XKR4: variants seen among roughly 807,000 people sequenced by gnomAD.
The protein encoded by XKR4 is XK related 4.
XKR4 carries 12 observed loss-of-function variants against 53.9 expected under a neutral mutation model. The ratio of observed to expected loss-of-function variants is 0.22; its 90% CI spans 0.14 to 0.36. The LOEUF (loss-of-function observed/expected upper bound fraction) is 0.36, where lower values mean the gene tolerates loss of function less well. XKR4 is among the 10% of genes least tolerant of loss of function. XKR4 has a pLI of 1.00. For synonymous variants in XKR4, 354 were observed against 362.4 expected, an observed-to-expected ratio of 0.98 and a Z score of 0.26; for missense variants, 799 against 859.5, an observed-to-expected ratio of 0.93 and a Z score of 0.88.
At chr8:55,277,152 C>G in intron 1 of XKR4, among the ~76,000 whole-genome samples, 1 of 152,158 alleles carries the variant, frequency 6.6e-6, no homozygotes, top group East Asian at 1.9e-4. Flanking sequence ...ACTGTAGGCT[C>G]CCACTGAGGT....
chr8:55,150,469 G>A (rs1487902851), intron 1 of XKR4, among the ~76,000 whole-genome samples: 1 of 152,168 alleles, frequency 6.6e-6, no homozygotes, highest in Non-Finnish European at 1.5e-5. Context: ...AACGATTATA[G>A]TATGGTTCTT....
chr8:55,405,372 G>C (rs1804666948), intron 2 of XKR4, among the ~76,000 whole-genome samples: 1 of 152,178 alleles, frequency 6.6e-6, no homozygotes, highest in African/African-American at 2.4e-5. Context: ...TTATAGTGAT[G>C]TTGGCAACTG....
chr8:55,268,389 G>A (rs1461503460), intron 1 of XKR4, among the ~76,000 whole-genome samples: 3 of 152,108 alleles, frequency 2.0e-5, no homozygotes, highest in Non-Finnish European at 2.9e-5. Flanking sequence ...TAGTCTCAAG[G>A]TAAAATGTTG....
intron 1 of XKR4, among the ~76,000 whole-genome samples, chr8:55,180,649 A>C (rs1014275640): frequency 6.6e-6 from 1 of 152,114 alleles, no homozygotes; most frequent in Non-Finnish European, 1.5e-5. Context: ...CTCCTGCCTC[A>C]GCCTCCCGAG....
chr8:55,278,735 C>T (rs1260902830), intron 1 of XKR4, among the ~76,000 whole-genome samples: 1 of 152,152 alleles, frequency 6.6e-6, no homozygotes, highest in African/African-American at 2.4e-5. Context: ...GTACAATTTT[C>T]ACCACCTCTA....
At chr8:55,118,131 T>TC (rs1196937815) in intron 1 of XKR4, among the ~76,000 whole-genome samples, 14 of 152,314 alleles carry the variant, frequency 9.2e-5, no homozygotes, top group African/African-American at 3.1e-4. Flanking sequence ...GATAAACTAT[T>TC]CCTGGGATTG....
At chr8:55,321,297 G>T (rs941932179) in intron 1 of XKR4, among the ~76,000 whole-genome samples, 6 of 152,016 alleles carry the variant, frequency 3.9e-5, no homozygotes, top group South Asian at 2.1e-4. Context: ...CCCTCAGCAG[G>T]CTCCTTAATC....
At chr8:55,108,414 G>T (rs752026114) in intron 1 of XKR4, among the ~76,000 whole-genome samples, 4 of 152,148 alleles carry the variant, frequency 2.6e-5, no homozygotes, top group Non-Finnish European at 5.9e-5. Context: ...ATGGCAGAAA[G>T]TTGAAAGCTT....
intron 1 of XKR4, among the ~76,000 whole-genome samples, chr8:55,232,612 C>G (rs534836324): frequency 4.6e-4 from 70 of 152,246 alleles, no homozygotes; most frequent in African/African-American, 5.1e-4. Flanking sequence ...TGAAAATTGC[C>G]TGAATTTTTC....
intron 1 of XKR4, among the ~76,000 whole-genome samples, chr8:55,265,204 A>T (rs1049404650): frequency 4.6e-5 from 7 of 152,220 alleles, no homozygotes; most frequent in African/African-American, 1.7e-4. Context: ...AAGATGCACC[A>T]TCATCAGGAC....
At chr8:55,340,938 G>T (rs549257405) in intron 1 of XKR4, among the ~76,000 whole-genome samples, 46 of 152,288 alleles carry the variant, frequency 3.0e-4, no homozygotes, top group Middle Eastern at 6.8e-3. Flanking sequence ...CCTGATAATC[G>T]ACAACCTGAA....
Position 55,226,756 on chromosome 8 carries a change from A to T in XKR4, c.806+123462A>T, listed in dbSNP as rs141078029. 2.8e-3 allele frequency among the ~76,000 whole-genome samples: 422 copies of T among 152,226 alleles called. 3 individuals carry two copies. Among genetic ancestry groups the T allele is most frequent in the African/African-American group, 9.5e-3 (396 of 41,514 alleles). On this transcript the variant is annotated intron_variant, in intron 1 of 2. Transcript: ENST00000327381. ...GACTGCTGAAATCACCTTCTAACAGATCTTACCCTCCCACCTTCCTTTAAT... is the reference window on the plus strand; with the variant it reads ...GACTGCTGAAATCACCTTCTAACAGTTCTTACCCTCCCACCTTCCTTTAAT...
rs202137476 is a variant in XKR4 at position 55,384,509 on chromosome 8, G to GA, written c.1006+26640dup. Among the ~76,000 whole-genome samples, 95 of 151,978 alleles carry GA rather than the reference G, an allele frequency of 6.3e-4. 1 individual carries two copies. The East Asian group carries it at 0.012, about 19-fold the overall frequency. On this transcript the variant is annotated intron_variant, in intron 2 of 2. Coordinates refer to ENST00000327381, the MANE Select transcript of XKR4 (RefSeq NM_052898.2). The stretch of plus-strand genomic sequence containing the variant: ...CTGCTGAAATATTTTTACCAGGGGA[G>GA]AAAAAAAATAGCCAAACGTTAGATT...
chr8:55,541,166 A>G lies in XKR4; in HGVS notation c.*16939A>G, dbSNP rs1807095330. On this transcript the variant is annotated 3_prime_UTR_variant, in exon 3 of 3. Coordinates refer to ENST00000327381, the MANE Select transcript of XKR4 (RefSeq NM_052898.2). ...CATGAAACCATGCACTTTGTAATCAATAAGTCTTTTGTTTAACATTTCAAA... is the reference window on the plus strand; with the variant it reads ...CATGAAACCATGCACTTTGTAATCAGTAAGTCTTTTGTTTAACATTTCAAA... 6.6e-6 allele frequency: 1 copy of G among 152,220 alleles called. No homozygotes were observed. Among genetic ancestry groups the G allele is most frequent in the Non-Finnish European group, 1.5e-5 (1 of 68,034 alleles). The allele number at this position is 152,220 out of a possible 1,614,324, so 9.4% of individuals were successfully genotyped here.
intron 2 of XKR4, among the ~76,000 whole-genome samples, chr8:55,483,031 A>G (rs1440875793): frequency 1.3e-5 from 2 of 152,166 alleles, no homozygotes; most frequent in East Asian, 3.9e-4. Flanking sequence ...CTCTAAGTAA[A>G]TGAATATGAG....
intron 1 of XKR4, among the ~76,000 whole-genome samples, chr8:55,105,368 A>T (rs1296096876): frequency 6.6e-6 from 1 of 151,862 alleles, no homozygotes; most frequent in Non-Finnish European, 1.5e-5. Context: ...GGGGGCGGGG[A>T]GAGAAGGGAT....
chr8:55,121,265 T>A (rs1166286651), intron 1 of XKR4, among the ~76,000 whole-genome samples: 1 of 152,138 alleles, frequency 6.6e-6, no homozygotes, highest in Admixed American at 6.6e-5. Context: ...ATGGGAAGAG[T>A]GCATTTAGTT....
chr8:55,160,533 G>T (rs1228851279), intron 1 of XKR4, among the ~76,000 whole-genome samples: 2 of 152,204 alleles, frequency 1.3e-5, no homozygotes, highest in Non-Finnish European at 2.9e-5. Flanking sequence ...TGAGTCCAAA[G>T]GCCAGAGTAG....
chr8:55,177,027 C>CCTT (rs201543244), intron 1 of XKR4, among the ~76,000 whole-genome samples: 1 of 151,442 alleles, frequency 6.6e-6, no homozygotes, highest in Non-Finnish European at 1.5e-5. Context: ...AGTGGTCTAC[C>CCTT]CTTCTTCTTC....
Sources: gnomAD v4.1 joint callset for allele counts (sites outside exome capture counted in the v4.1 genomes callset) on GRCh38, gnomAD v4.1.1 for gene constraint, MANE v1.5 for transcripts, NCBI Gene and HGNC (gene_info 2026-07-23, HGNC 2026-07-21) for gene names.